HSF2BP: variants seen among roughly 807,000 people sequenced by gnomAD.
HSF2BP encodes the protein heat shock transcription factor 2 binding protein, also known as heat shock factor 2-binding protein.
A neutral mutation model predicts 35.0 loss-of-function variants in HSF2BP; 35 were observed. The observed-to-expected ratio is 1.00, with a 90% CI of 0.76 to 1.32. The LOEUF (loss-of-function observed/expected upper bound fraction) is 1.32. Ranked by LOEUF, HSF2BP falls within the 40% of genes most tolerant of loss-of-function variation. The probability of loss-of-function intolerance (pLI) is 0.00; values close to 1 mark genes in which losing one functional copy is unlikely to be tolerated. For synonymous variants in HSF2BP, 114 were observed against 117.4 expected (o/e 0.97, Z 0.18); for missense variants, 326 against 321.7 (o/e 1.01, Z -0.10).
the HSF2BP span, among the ~76,000 whole-genome samples, chr21:43,496,017 GCACA>G: frequency 9.1e-4 from 111 of 121,928 alleles, 2 homozygotes; most frequent in East Asian, 2.7e-3. Context: ...AAACACACGT[GCACA>G]CACACACACA....
intron 7 of HSF2BP, among the ~76,000 whole-genome samples, chr21:43,607,297 A>C (rs1000442624): frequency 6.6e-5 from 10 of 151,996 alleles, no homozygotes; most frequent in Non-Finnish European, 1.0e-4. Flanking sequence ...CTCAAAAAAA[A>C]AAAAAAAGGT....
chr21:43,599,954 A>G (rs2082032451), intron 7 of HSF2BP, among the ~76,000 whole-genome samples: 1 of 151,964 alleles, frequency 6.6e-6, no homozygotes, highest in Non-Finnish European at 1.5e-5. Context: ...AACAGGCTCC[A>G]AAAGAGCAAC....
intron 6 of HSF2BP, among the ~76,000 whole-genome samples, chr21:43,614,990 C>A (rs981692380): frequency 3.3e-5 from 5 of 152,198 alleles, no homozygotes; most frequent in African/African-American, 1.2e-4. Flanking sequence ...TGAGGCCCTG[C>A]GAATCGGCCT....
At position 43,637,985 on chromosome 21, in the gene HSF2BP, T is replaced by C. The variant is rs537433885; in HGVS notation, c.292-4564A>G. On this transcript the variant is annotated intron_variant, in intron 4 of 8. Transcript: ENST00000291560. ...AAGATATCCACTCTCACCACTCTTA[T>C]TCAGCACAGTGCTGTAGTGCTGGAA... 2.6e-4 allele frequency among the ~76,000 whole-genome samples: 39 copies of C among 152,300 alleles called. No individual in the cohort carries two copies. In the East Asian group the frequency reaches 6.0e-3, roughly 23 times the overall value.
intron 1 of HSF2BP, among the ~76,000 whole-genome samples, chr21:43,658,837 A>C (rs1435914648): frequency 1.3e-5 from 2 of 152,180 alleles, no homozygotes; most frequent in Non-Finnish European, 2.9e-5. Flanking sequence ...CTCTGCAGGC[A>C]CTGGAGGAAG....
At chr21:43,642,304 T>C (rs1191136187) in intron 4 of HSF2BP, among the ~76,000 whole-genome samples, 1 of 151,952 alleles carries the variant, frequency 6.6e-6, no homozygotes, top group Non-Finnish European at 1.5e-5. Flanking sequence ...TCGAAGCTAC[T>C]GCAACTATTA....
At chr21:43,646,053 T>C (rs1033572259) in intron 3 of HSF2BP, among the ~76,000 whole-genome samples, 2 of 151,688 alleles carry the variant, frequency 1.3e-5, no homozygotes, top group Non-Finnish European at 2.9e-5. Context: ...CGGTGGCTTA[T>C]GCCTGTGTAA....
chr21:43,581,022 T>C (rs1409028649), intron 8 of HSF2BP, among the ~76,000 whole-genome samples: 1 of 152,028 alleles, frequency 6.6e-6, no homozygotes, highest in Non-Finnish European at 1.5e-5. Flanking sequence ...GGAAAAGATG[T>C]GGAATCAAAG....
chr21:43,638,739 G>A (rs1010286550), intron 4 of HSF2BP, among the ~76,000 whole-genome samples: 6 of 152,162 alleles, frequency 3.9e-5, no homozygotes, highest in African/African-American at 1.4e-4. Context: ...TCTACAAACT[G>A]ATCTACAAAC....
chr21:43,641,710 G>T (rs900329617), intron 4 of HSF2BP, among the ~76,000 whole-genome samples: 4 of 152,058 alleles, frequency 2.6e-5, no homozygotes, highest in African/African-American at 9.7e-5. Flanking sequence ...CACTTTGGGA[G>T]ACCAAAGTGG....
At chr21:43,618,780 C>CA (rs35186292) in intron 6 of HSF2BP, among the ~76,000 whole-genome samples, 266 of 116,086 alleles carry the variant, frequency 2.3e-3, no homozygotes, top group Middle Eastern at 4.1e-3. Context: ...ACTAAAAATA[C>CA]AAAAAAAAAA....
chr21:43,604,375 CACCA>C (rs1211796020), intron 7 of HSF2BP, among the ~76,000 whole-genome samples: 1 of 142,130 alleles, frequency 7.0e-6, no homozygotes, highest in African/African-American at 2.6e-5. Flanking sequence ...ACAGCACGCA[CACCA>C]CACACACACC....
Position 43,658,208 on chromosome 21 carries a change from A to G in HSF2BP, c.-112T>C, listed in dbSNP as rs2082907594. 1 of 1,263,580 alleles carries G rather than the reference A, an allele frequency of 7.9e-7. No homozygotes were observed. The highest frequency in any genetic ancestry group is 1.5e-5 in the African/African-American group (1 of 64,742). 78.3% of individuals were successfully genotyped at this position (1,263,580 alleles called of 1,614,324 possible). On this transcript the variant is annotated 5_prime_UTR_variant, in exon 2 of 9. Transcript: ENST00000291560. ...CGGGGGTCGGGAACGGAGAGCCGCC[A>G]GGCCCAAACCTCCCAGAATTTGCGC...
intron 4 of HSF2BP, among the ~76,000 whole-genome samples, chr21:43,642,885 C>T (rs1311894998): frequency 6.7e-6 from 1 of 149,190 alleles, no homozygotes; most frequent in East Asian, 2.0e-4. Context: ...CTGCAACCTC[C>T]ACCTCCCAGG....
intron 3 of HSF2BP, among the ~76,000 whole-genome samples, chr21:43,653,065 G>A (rs2082812333): frequency 6.6e-6 from 1 of 151,992 alleles, no homozygotes; most frequent in Admixed American, 6.6e-5. Flanking sequence ...AACCCAGGGG[G>A]CAGAGGTTGC....
chr21:43,628,111 C>A (rs6518309), intron 6 of HSF2BP, among the ~76,000 whole-genome samples: 112,683 of 152,076 alleles, frequency 0.74, 43,090 homozygotes, highest in African/African-American at 0.93. Context: ...TACTGAAATT[C>A]GGACAGTTAA....
At chr21:43,656,827 T>C in intron 2 of HSF2BP, 90 bp from the exon 3 acceptor site, 3 of 1,038,194 alleles carry the variant, frequency 2.9e-6, no homozygotes, top group Non-Finnish European at 4.3e-6. Context: ...TCACACCTCT[T>C]ATGTGCATCG....
At chr21:43,505,665 A>G in the HSF2BP span, among the ~76,000 whole-genome samples, 1 of 104,710 alleles carries the variant, frequency 9.6e-6, no homozygotes, top group Non-Finnish European at 2.0e-5. Context: ...GCTCCCCCAG[A>G]AGCACTGGGA....
chr21:43,596,724 A>G (rs958953457), intron 7 of HSF2BP, among the ~76,000 whole-genome samples: 1 of 151,486 alleles, frequency 6.6e-6, no homozygotes, highest in African/African-American at 2.4e-5. Flanking sequence ...ACAACAACAG[A>G]AAAAAAACCA....
Sources: gnomAD v4.1 joint callset for allele counts (sites outside exome capture counted in the v4.1 genomes callset) on GRCh38, gnomAD v4.1.1 for gene constraint, MANE v1.5 for transcripts, NCBI Gene and HGNC (gene_info 2026-07-23, HGNC 2026-07-21) for gene names.